DIP2A: variants seen among roughly 807,000 people sequenced by gnomAD.
DIP2A encodes disco-interacting protein 2 homolog A.
A neutral mutation model predicts 177.4 loss-of-function variants in DIP2A; 85 were observed. That is an observed-to-expected ratio of 0.48 (90% CI 0.40 to 0.57). The LOEUF (loss-of-function observed/expected upper bound fraction) is 0.57. Ranked by LOEUF, DIP2A falls within the 20% of genes least tolerant of loss-of-function variation. The pLI is 0.00. For synonymous variants in DIP2A, 886 were observed against 881.8 expected, an observed-to-expected ratio of 1.00 and a Z score of -0.08; for missense variants, 1,791 against 2,100.2, an observed-to-expected ratio of 0.85 and a Z score of 2.88.
rs2148897927 is a variant in DIP2A, at chr21:46,558,363, G to A, written c.3939G>A (p.Gly1313=). 1.2e-6 allele frequency: 2 copies of A among 1,602,084 alleles called. No homozygotes were observed. Among genetic ancestry groups the A allele is most frequent in the East Asian group, 2.3e-5 (1 of 44,256 alleles). The change falls in exon 32 of 38, where the codon GGG becomes GGA. Residue 1313 remains glycine, a synonymous_variant. Transcript: ENST00000417564. Reference sequence around the variant, plus strand: ...CCCGCGCCGTAAGCACCACGTTCGGGTGCAGGGTCAACGTGGCCATCTGCC... The same window carrying A: ...CCCGCGCCGTAAGCACCACGTTCGGATGCAGGGTCAACGTGGCCATCTGCC... ...LPARAVSTTF[G]CRVNVAICLQ...
chr21:46,556,824 G>A lies in DIP2A; in HGVS notation c.3499-115G>A. On this transcript the variant is annotated intron_variant, in intron 29 of 37. Coordinates refer to ENST00000417564, the MANE Select transcript of DIP2A (RefSeq NM_015151.4). This position sits in a 1 kb window ranked among gnomAD's most constrained non-coding sequence, Gnocchi z 4.5. ...CGTCTTTTAAGGAAATAAATATGAT[G>A]TTTGGTAGTTCGGAGCTATGGTCTA... The A allele has an allele frequency of 2.2e-6, 2 of 902,062 alleles. No individual in the cohort carries two copies. The highest frequency in any genetic ancestry group is 2.1e-5 in the South Asian group (1 of 47,610). The allele number at this position is 902,062 out of a possible 1,614,324, so 55.9% of individuals were successfully genotyped here. A position where few individuals can be genotyped will look rare whatever the true frequency, so the allele number is the denominator to read the frequency against.
At chr21:46,497,147 G>A (rs1348060808) in intron 4 of DIP2A, 40 bp downstream of exon 4, 1 of 1,598,364 alleles carries the variant, frequency 6.3e-7, no homozygotes, top group Non-Finnish European at 8.5e-7. Context: ...TTTTTTGAGT[G>A]TTTCACAGGC....
At chr21:46,540,741 C>T (rs9637225) in intron 17 of DIP2A, among the ~76,000 whole-genome samples, 42,900 of 152,034 alleles carry the variant, frequency 0.28, 6,390 homozygotes, top group East Asian at 0.42. Flanking sequence ...TGGCTGGGCA[C>T]GGTGGCTCAT....
intron 5 of DIP2A, among the ~76,000 whole-genome samples, chr21:46,499,161 C>CG (rs2057519366): frequency 6.6e-6 from 1 of 152,214 alleles, no homozygotes; most frequent in South Asian, 2.1e-4. Context: ...TCAAGACCTA[C>CG]GTATTTTTCA....
chr21:46,519,056 G>T (rs962318131), intron 8 of DIP2A, among the ~76,000 whole-genome samples: 2 of 152,150 alleles, frequency 1.3e-5, no homozygotes, highest in East Asian at 3.8e-4. Context: ...GGAACTGAGG[G>T]TTCCTCCCAT....
rs75838665 is a variant in DIP2A, at chr21:46,494,826, A to C, written c.284-2162A>C. ...TTCTTCGCCATTGGGAATCTCTTCA[A>C]ATTGGCTCGAGTTGTTTGACCATTT... On this transcript the variant is annotated intron_variant, in intron 3 of 37. Coordinates refer to ENST00000417564, the MANE Select transcript of DIP2A (RefSeq NM_015151.4). Among the ~76,000 whole-genome samples, 947 of 152,210 alleles carry C rather than the reference A, an allele frequency of 6.2e-3. 12 individuals carry two copies. The highest frequency in any genetic ancestry group is 0.022 in the African/African-American group (912 of 41,516).
chr21:46,506,563 T>C lies in DIP2A; in HGVS notation c.784+2074T>C, dbSNP rs544835336. Among the ~76,000 whole-genome samples the C allele has an allele frequency of 1.7e-4, 26 of 152,258 alleles. No homozygotes were observed. The South Asian group carries it at 1.9e-3, about 11-fold the overall frequency. ...GTTTAAAAAATTTCAGCCATCCCAA[T>C]AGGCATGTAGAGATATCTCATTACA... On this transcript the variant is annotated intron_variant, in intron 6 of 37. Coordinates refer to ENST00000417564, the MANE Select transcript of DIP2A (RefSeq NM_015151.4).
At chr21:46,530,802 C>A (rs1019135302) in intron 9 of DIP2A, among the ~76,000 whole-genome samples, 4 of 152,066 alleles carry the variant, frequency 2.6e-5, no homozygotes, top group Admixed American at 6.6e-5. Context: ...AGAAAAGAAT[C>A]CCAGAGCTTT....
At chr21:46,490,895 G>A (rs150585645) in intron 3 of DIP2A, among the ~76,000 whole-genome samples, 176 bp downstream of exon 3, 30 of 152,146 alleles carry the variant, frequency 2.0e-4, no homozygotes, top group South Asian at 1.0e-3. Flanking sequence ...TAACCTTCAC[G>A]TAACCACAGT....
At chr21:46,479,370 A>G (rs1489414345) in intron 1 of DIP2A, among the ~76,000 whole-genome samples, 1 of 152,188 alleles carries the variant, frequency 6.6e-6, no homozygotes. Flanking sequence ...GTGTGTATGT[A>G]TTCAGTTTAA....
intron 20 of DIP2A, chr21:46,546,190 G>T: frequency 7.6e-7 from 1 of 1,319,088 alleles, no homozygotes. Flanking sequence ...GGGTCCCCGG[G>T]GTGGATGAGG....
chr21:46,493,657 T>C (rs1457901294), intron 3 of DIP2A, among the ~76,000 whole-genome samples: 1 of 152,240 alleles, frequency 6.6e-6, no homozygotes, highest in Non-Finnish European at 1.5e-5. Context: ...TACCTTTTTC[T>C]CTGGAAGCTT....
Position 46,556,888 on chromosome 21 carries a change from C to G in DIP2A, c.3499-51C>G. On this transcript the variant is annotated intron_variant, in intron 29 of 37. Transcript: ENST00000417564. This position sits in a 1 kb window ranked among gnomAD's most constrained non-coding sequence, Gnocchi z 4.5. ...CGGACACTGCCATCCACCCTCTCCC[C>G]TCCTGAATTTCATTTCACTTTTTTT... 1 of 1,485,870 alleles carries G rather than the reference C, an allele frequency of 6.7e-7. No homozygotes were observed. Among genetic ancestry groups the G allele is most frequent in the African/African-American group, 1.4e-5 (1 of 72,122 alleles). The allele number at this position is 1,485,870 out of a possible 1,614,324, so 92.0% of individuals were successfully genotyped here.
intron 15 of DIP2A, among the ~76,000 whole-genome samples, chr21:46,538,270 T>G (rs1484344455): frequency 6.6e-6 from 1 of 152,166 alleles, no homozygotes; most frequent in Non-Finnish European, 1.5e-5. Flanking sequence ...ATGTCTAAAT[T>G]GTACCTCAGA....
At chr21:46,492,333 C>G (rs946091457) in intron 3 of DIP2A, among the ~76,000 whole-genome samples, 1 of 152,152 alleles carries the variant, frequency 6.6e-6, no homozygotes, top group Non-Finnish European at 1.5e-5. Context: ...ACTCTCTGTT[C>G]TGTTCTATTG....
intron 8 of DIP2A, among the ~76,000 whole-genome samples, chr21:46,525,346 G>A (rs182796088): frequency 3.3e-5 from 5 of 152,246 alleles, no homozygotes; most frequent in Non-Finnish European, 7.4e-5. Context: ...CTGGGTTCCC[G>A]GGTTCGTTTC....
chr21:46,512,734 G>A (rs2058366675), intron 8 of DIP2A, among the ~76,000 whole-genome samples: 1 of 151,372 alleles, frequency 6.6e-6, no homozygotes, highest in Non-Finnish European at 1.5e-5. Context: ...CTGGGCTCGA[G>A]ATGCTCCTGC....
rs192657020 is a variant in DIP2A, at chr21:46,508,838, T to C, written c.785-419T>C. On this transcript the variant is annotated intron_variant, in intron 6 of 37. Transcript: ENST00000417564. The stretch of plus-strand genomic sequence containing the variant: ...GAGATCGATACCATCCTGGCCAACA[T>C]GGTGAAACCCCATCTCTACTAAAAA... Among the ~76,000 whole-genome samples, 549 of 151,644 alleles carry C rather than the reference T, an allele frequency of 3.6e-3. 3 individuals carry two copies. The highest frequency in any genetic ancestry group is 0.012 in the African/African-American group (510 of 41,412).
intron 9 of DIP2A, among the ~76,000 whole-genome samples, chr21:46,529,940 G>A (rs1601696744): frequency 6.6e-6 from 1 of 152,146 alleles, no homozygotes; most frequent in African/African-American, 2.4e-5. Flanking sequence ...TATATGGTTG[G>A]CAGTAGCCAT....
Sources: gnomAD v4.1 joint callset for allele counts (sites outside exome capture counted in the v4.1 genomes callset) on GRCh38, gnomAD v4.1.1 for gene constraint, Gnocchi (gnomAD v3.1) non-coding constraint, MANE v1.5 for transcripts, NCBI Gene and HGNC (gene_info 2026-07-23, HGNC 2026-07-21) for gene names.